DAAM1: variants seen among roughly 807,000 people sequenced by gnomAD.
The protein encoded by DAAM1 is disheveled-associated activator of morphogenesis 1.
In DAAM1, 52 loss-of-function variants were observed where a neutral mutation model predicts 130.0. That is an observed-to-expected ratio of 0.40 (90% CI 0.32 to 0.50). The LOEUF (loss-of-function observed/expected upper bound fraction) is 0.50, where lower values mean the gene tolerates loss of function less well. Ranked by LOEUF, DAAM1 falls within the 20% of genes least tolerant of loss-of-function variation. The pLI, the probability that DAAM1 is intolerant of heterozygous loss-of-function variation, is 0.61. For synonymous variants in DAAM1, 452 were observed against 444.5 expected (o/e 1.02, Z -0.21); for missense variants, 1,134 against 1,303.8 (o/e 0.87, Z 2.01).
chr14:59,215,068 G>T (rs989847770), intron 1 of DAAM1, among the ~76,000 whole-genome samples: 1 of 152,164 alleles, frequency 6.6e-6, no homozygotes, highest in African/African-American at 2.4e-5. Flanking sequence ...AGGGAGTCAG[G>T]GACCTGAATG....
At chr14:59,316,243 T>G (rs1358780563) in intron 4 of DAAM1, among the ~76,000 whole-genome samples, 2 of 152,128 alleles carry the variant, frequency 1.3e-5, no homozygotes, top group African/African-American at 4.8e-5. Flanking sequence ...TTCTTCTACC[T>G]CCTTCCTGCC....
intron 20 of DAAM1, 103 bp from the exon 21 acceptor site, chr14:59,359,294 T>C: frequency 1.1e-6 from 1 of 890,054 alleles, no homozygotes. Context: ...GGTTCTACCA[T>C]TTGAGCATAT....
intron 3 of DAAM1, among the ~76,000 whole-genome samples, chr14:59,309,203 A>G (rs2139596020): frequency 6.6e-6 from 1 of 152,332 alleles, no homozygotes; most frequent in Middle Eastern, 3.4e-3. Context: ...GAAGAGCCAG[A>G]TGGAAAGAGT....
intron 1 of DAAM1, among the ~76,000 whole-genome samples, chr14:59,199,046 G>T (rs112236173): frequency 2.0e-4 from 31 of 152,288 alleles, no homozygotes; most frequent in African/African-American, 6.0e-4. Flanking sequence ...ATGGAGATCG[G>T]TGAGGGAGAA....
intron 16 of DAAM1, among the ~76,000 whole-genome samples, chr14:59,346,040 C>T (rs11158254): frequency 0.67 from 101,962 of 151,768 alleles, 34,809 homozygotes; most frequent in East Asian, 0.85. Context: ...ATATAGTTTA[C>T]TGTGTTCTTT....
At chr14:59,202,350 A>T (rs912794875) in intron 1 of DAAM1, among the ~76,000 whole-genome samples, 6 of 152,192 alleles carry the variant, frequency 3.9e-5, no homozygotes, top group African/African-American at 1.4e-4. Context: ...GATCAAATAA[A>T]ATGGCTTTAA....
intron 13 of DAAM1, 55 bp downstream of exon 13, chr14:59,330,743 G>A: frequency 6.6e-7 from 1 of 1,516,856 alleles, no homozygotes. Flanking sequence ...TGACCCTAGA[G>A]CCCCTCACCC....
chr14:59,358,248 G>C (rs537409257), intron 20 of DAAM1, among the ~76,000 whole-genome samples: 1 of 152,314 alleles, frequency 6.6e-6, no homozygotes, highest in South Asian at 2.1e-4. Context: ...GTAGCAGTCA[G>C]TGACAATGGG....
Position 59,271,924 on chromosome 14 carries a change from T to C in DAAM1, c.183+8264T>C, listed in dbSNP as rs183174197. ...TTCAGTTGCCTGTCCCCAAGAAAGA[T>C]GAAAAAATTGCGTAATAGGAACATT... On this transcript the variant is annotated intron_variant, in intron 2 of 24. Transcript: ENST00000360909. 9.9e-5 allele frequency among the ~76,000 whole-genome samples: 15 copies of C among 151,968 alleles called. No homozygotes were observed. The South Asian group carries it at 2.1e-3, about 21-fold the overall frequency.
chr14:59,337,067 C>T (rs1885655276), intron 15 of DAAM1, among the ~76,000 whole-genome samples: 1 of 152,010 alleles, frequency 6.6e-6, no homozygotes, highest in Admixed American at 6.5e-5. Flanking sequence ...GATGAGTTGC[C>T]AGTGAACTTC....
At chr14:59,302,666 A>G (rs1884217676) in intron 3 of DAAM1, among the ~76,000 whole-genome samples, 1 of 151,836 alleles carries the variant, frequency 6.6e-6, no homozygotes, top group South Asian at 2.1e-4. Flanking sequence ...TTATTTTTTT[A>G]TTTTTGAGAT....
intron 10 of DAAM1, 101 bp from the exon 11 acceptor site, chr14:59,326,409 C>T (rs892053169): frequency 2.2e-5 from 26 of 1,208,352 alleles, no homozygotes; most frequent in African/African-American, 1.4e-4. Flanking sequence ...TTATAAACAT[C>T]TCTGGTTTGG....
chr14:59,217,704 G>A (rs60498370), intron 1 of DAAM1, among the ~76,000 whole-genome samples: 8,652 of 152,074 alleles, frequency 0.057, 827 homozygotes, highest in African/African-American at 0.2. Flanking sequence ...CAGGCACAGT[G>A]GCTCATGCCT....
intron 3 of DAAM1, chr14:59,291,592 G>C (rs61986059): frequency 2.6e-5 from 9 of 349,254 alleles, no homozygotes; most frequent in African/African-American, 1.7e-4. Flanking sequence ...CCAACCCTGC[G>C]CTTTACATAC....
At chr14:59,334,378 G>A (rs1885547329) in intron 15 of DAAM1, among the ~76,000 whole-genome samples, 3 of 152,074 alleles carry the variant, frequency 2.0e-5, no homozygotes, top group Admixed American at 2.0e-4. Context: ...TAATTCACTT[G>A]AACTGCTCTC....
At chr14:59,218,146 A>G (rs956650452) in intron 1 of DAAM1, among the ~76,000 whole-genome samples, 1 of 152,088 alleles carries the variant, frequency 6.6e-6, no homozygotes, top group Admixed American at 6.5e-5. Flanking sequence ...AAAAAGAAAA[A>G]AATTCAAGAT....
intron 15 of DAAM1, among the ~76,000 whole-genome samples, chr14:59,332,866 G>A (rs1312804593): frequency 2.0e-5 from 3 of 152,138 alleles, no homozygotes; most frequent in Non-Finnish European, 4.4e-5. Context: ...AGGAACACAC[G>A]AATGCTGGGC....
intron 1 of DAAM1, among the ~76,000 whole-genome samples, chr14:59,245,508 T>G (rs1487518475): frequency 6.6e-6 from 1 of 152,212 alleles, no homozygotes; most frequent in Non-Finnish European, 1.5e-5. Flanking sequence ...TTAGACACTT[T>G]TAGTCTTTTA....
At chr14:59,279,941 C>T (rs527402440) in intron 2 of DAAM1, among the ~76,000 whole-genome samples, 1 of 152,164 alleles carries the variant, frequency 6.6e-6, no homozygotes, top group Admixed American at 6.5e-5. Flanking sequence ...ACAAACATTT[C>T]ACAAAAGAAC....
Sources: gnomAD v4.1 joint callset for allele counts (sites outside exome capture counted in the v4.1 genomes callset) on GRCh38, gnomAD v4.1.1 for gene constraint, MANE v1.5 for transcripts, NCBI Gene and HGNC (gene_info 2026-07-23, HGNC 2026-07-21) for gene names.